EPHA3: variants seen among roughly 807,000 people sequenced by gnomAD.
EPHA3 encodes ephrin type-A receptor 3.
In EPHA3, 42 loss-of-function variants were observed where a neutral mutation model predicts 107.1. The observed-to-expected ratio is 0.39, with a 90% CI of 0.31 to 0.51. The LOEUF (loss-of-function observed/expected upper bound fraction) is 0.51, where lower values mean the gene tolerates loss of function less well. Ranked by LOEUF, EPHA3 falls within the 20% of genes least tolerant of loss-of-function variation. EPHA3 has a pLI of 0.78. For synonymous variants in EPHA3, 461 were observed against 424.8 expected, an observed-to-expected ratio of 1.09 and a Z score of -1.05; for missense variants, 1,183 against 1,211.2, an observed-to-expected ratio of 0.98 and a Z score of 0.35.
chr3:89,270,842 A>G (rs556000966), intron 3 of EPHA3, among the ~76,000 whole-genome samples: 1 of 152,164 alleles, frequency 6.6e-6, no homozygotes, highest in African/African-American at 2.4e-5. Flanking sequence ...AAAGTAAACT[A>G]GAGAAAAGAA....
chr3:89,449,392 A>G lies in EPHA3; in HGVS notation c.2496+18A>G. The G allele has an allele frequency of 6.4e-7, 1 of 1,553,316 alleles. No homozygotes were observed. The highest frequency in any genetic ancestry group is 8.8e-7 in the Non-Finnish European group (1 of 1,138,940). On this transcript the variant is annotated intron_variant, in intron 14 of 16. Coordinates refer to ENST00000336596, the MANE Select transcript of EPHA3 (RefSeq NM_005233.6). ...ATCAGGATGTAAGTATTTGTGGTCT[A>G]TGAGTTATGAGTTCAGATGAAAAGA... is the stretch of plus-strand genomic sequence containing the variant.
chr3:89,232,402 C>A (rs1576250845), intron 3 of EPHA3, among the ~76,000 whole-genome samples: 1 of 151,990 alleles, frequency 6.6e-6, no homozygotes, highest in Admixed American at 6.6e-5. Context: ...TCAGGTGGAA[C>A]AAACTGGGTG....
intron 5 of EPHA3, among the ~76,000 whole-genome samples, chr3:89,382,784 A>G (rs761381530): frequency 4.0e-4 from 61 of 152,184 alleles, no homozygotes; most frequent in Non-Finnish European, 3.7e-4. Flanking sequence ...GTTAAGAGCC[A>G]GAAAGAGGAG....
intron 3 of EPHA3, among the ~76,000 whole-genome samples, chr3:89,258,905 A>T (rs1705348986): frequency 6.6e-6 from 1 of 152,210 alleles, no homozygotes; most frequent in African/African-American, 2.4e-5. Flanking sequence ...AAACCTGTAC[A>T]TGCCACAAAA....
chr3:89,181,716 T>G (rs190326058), intron 2 of EPHA3, among the ~76,000 whole-genome samples: 1 of 151,962 alleles, frequency 6.6e-6, no homozygotes, highest in South Asian at 2.1e-4. Flanking sequence ...TTGAAATACC[T>G]TGTTCAAAAA....
chr3:89,117,450 G>T (rs906802817), intron 1 of EPHA3, among the ~76,000 whole-genome samples: 1 of 151,986 alleles, frequency 6.6e-6, no homozygotes, highest in African/African-American at 2.4e-5. Flanking sequence ...CTTTTAAAGG[G>T]ATATATTCTT....
intron 16 of EPHA3, among the ~76,000 whole-genome samples, chr3:89,473,644 C>T (rs1310636420): frequency 6.6e-6 from 1 of 152,188 alleles, no homozygotes; most frequent in East Asian, 1.9e-4. Flanking sequence ...TAGTGCCATT[C>T]AACTGACCAG....
chr3:89,243,817 T>G (rs1333930933), intron 3 of EPHA3, among the ~76,000 whole-genome samples: 1 of 152,202 alleles, frequency 6.6e-6, no homozygotes, highest in Non-Finnish European at 1.5e-5. Context: ...ACACTTGAAC[T>G]GGTGGAGTTC....
chr3:89,367,137 A>G (rs79698711), intron 5 of EPHA3, among the ~76,000 whole-genome samples: 2,274 of 150,854 alleles, frequency 0.015, 61 homozygotes, highest in African/African-American at 0.052. Flanking sequence ...CTCTCCATGA[A>G]CTGTTTAAAG....
chr3:89,435,639 A>G (rs1709654140), intron 13 of EPHA3, among the ~76,000 whole-genome samples: 2 of 147,134 alleles, frequency 1.4e-5, no homozygotes, highest in South Asian at 2.1e-4. Flanking sequence ...TAAATACTAT[A>G]TATATGTGTG....
At chr3:89,253,088 G>C (rs564706226) in intron 3 of EPHA3, among the ~76,000 whole-genome samples, 2 of 152,042 alleles carry the variant, frequency 1.3e-5, no homozygotes, top group African/African-American at 4.8e-5. Flanking sequence ...TGAAACGCTG[G>C]TTAAAAGAGT....
intron 10 of EPHA3, among the ~76,000 whole-genome samples, chr3:89,416,207 C>T (rs1335210278): frequency 6.6e-6 from 1 of 151,190 alleles, no homozygotes; most frequent in African/African-American, 2.4e-5. Context: ...GCATTTTAAT[C>T]AGAATACAGT....
rs542524599 is a variant in EPHA3, at chr3:89,353,391, A to C, written c.1306+11301A>C. Among the ~76,000 whole-genome samples the C allele has an allele frequency of 1.1e-4, 16 of 151,612 alleles. 1 individual carries two copies. The highest frequency in any genetic ancestry group is 4.6e-4 in the Admixed American group (7 of 15,180). ...CATCATATGACTTTAGTAATGTTCT[A>C]TGATGCATCCTTCTCTTTGTTTCAT... On this transcript the variant is annotated intron_variant, in intron 5 of 16. Transcript: ENST00000336596.
chr3:89,381,263 C>T (rs1198557807), intron 5 of EPHA3, among the ~76,000 whole-genome samples: 5 of 152,006 alleles, frequency 3.3e-5, no homozygotes, highest in African/African-American at 9.7e-5. Flanking sequence ...TGAGCCACCG[C>T]GCCCGGCCTA....
chr3:89,475,055 C>T (rs1710480099), intron 16 of EPHA3, among the ~76,000 whole-genome samples: 1 of 152,124 alleles, frequency 6.6e-6, no homozygotes, highest in Non-Finnish European at 1.5e-5. Flanking sequence ...CACCTTTGCC[C>T]TAACACTCCT....
chr3:89,160,590 G>GCA (rs56822232), intron 2 of EPHA3, among the ~76,000 whole-genome samples: 1 of 43,164 alleles, frequency 2.3e-5, no homozygotes, highest in South Asian at 6.1e-4. Flanking sequence ...GTGTGTGTGT[G>GCA]CGCGCATTCT....
intron 3 of EPHA3, among the ~76,000 whole-genome samples, chr3:89,335,830 C>T (rs780303368): frequency 2.6e-5 from 4 of 152,154 alleles, no homozygotes; most frequent in Non-Finnish European, 5.9e-5. Flanking sequence ...GGGTTAAGAT[C>T]CATGAATAAT....
chr3:89,168,083 G>C (rs1167504307), intron 2 of EPHA3, among the ~76,000 whole-genome samples: 1 of 152,132 alleles, frequency 6.6e-6, no homozygotes, highest in African/African-American at 2.4e-5. Flanking sequence ...TAATTTTAAA[G>C]TTTGCAATTA....
chr3:89,131,428 CTT>C (rs1183133501), intron 2 of EPHA3, among the ~76,000 whole-genome samples: 1 of 152,120 alleles, frequency 6.6e-6, no homozygotes, highest in Non-Finnish European at 1.5e-5. Context: ...TTACACATGA[CTT>C]AAATTGATTG....
Sources: allele counts gnomAD v4.1 joint callset (sites outside exome capture counted in the v4.1 genomes callset), GRCh38; gene constraint gnomAD v4.1.1; transcripts MANE v1.5; gene names NCBI Gene and HGNC (gene_info 2026-07-23, HGNC 2026-07-21).